The following DENND6A variants were observed in gnomAD, a reference collection of about 807,000 sequenced individuals.
DENND6A encodes protein DENND6A.
DENND6A carries 43 observed loss-of-function variants against 95.5 expected under a neutral mutation model. The observed-to-expected ratio is 0.45, with a 90% CI of 0.35 to 0.58. DENND6A has a LOEUF of 0.58. Ranked by LOEUF, DENND6A falls within the 20% of genes least tolerant of loss-of-function variation. The probability of loss-of-function intolerance (pLI) is 0.00; values close to 1 mark genes in which losing one functional copy is unlikely to be tolerated. For synonymous variants in DENND6A, 257 were observed against 260.4 expected, an observed-to-expected ratio of 0.99 and a Z score of 0.13; for missense variants, 574 against 736.0, an observed-to-expected ratio of 0.78 and a Z score of 2.55.
intron 3 of DENND6A, among the ~76,000 whole-genome samples, chr3:57,670,045 G>GA (rs1004320856): frequency 1.8e-4 from 25 of 139,126 alleles, no homozygotes; most frequent in South Asian, 4.6e-4. Context: ...AAAGAAAAAA[G>GA]AAAAAAAAAA....
Position 57,661,456 on chromosome 3 carries a change from A to AC in DENND6A, c.608_609insG (p.Tyr203Ter), listed in dbSNP as rs2071422623. 1 of 1,566,288 alleles carries AC rather than the reference A, an allele frequency of 6.4e-7. No individual in the cohort carries two copies. The highest frequency in any genetic ancestry group is 2.3e-5 in the Admixed American group (1 of 44,040). ...ATATGTTAAACTTACCTGCTTCCAA[A>AC]TAAGGTTCATTCTTTTCAAAATACT... is the stretch of plus-strand genomic sequence containing the variant. ...APEYFEKNEP[Y>*]LEAACNDVDR... is the part of the protein sequence containing the mutation. The change falls in exon 6 of 20, where the codon TAT becomes TAGT. Residue 203 changes from tyrosine to a stop codon, truncating the protein, a stop_gained and frameshift_variant. Coordinates refer to ENST00000311128, the MANE Select transcript of DENND6A (RefSeq NM_152678.3). LOFTEE classifies it high-confidence loss of function.
intron 18 of DENND6A, 114 bp downstream of exon 18, chr3:57,630,307 G>T: frequency 1.1e-6 from 1 of 906,266 alleles, no homozygotes; most frequent in Non-Finnish European, 1.6e-6. Flanking sequence ...AGAAAAGTTA[G>T]TCATCATTAC....
At chr3:57,632,330 C>CTTTT (rs970388067) in intron 15 of DENND6A, among the ~76,000 whole-genome samples, 1 of 146,498 alleles carries the variant, frequency 6.8e-6, no homozygotes, top group Non-Finnish European at 1.5e-5. Context: ...AGTCCATGCT[C>CTTTT]TTTTTTTTTT....
rs563103857 is a variant in DENND6A, at chr3:57,625,578, C to T, written c.*2636G>A. 1 of 152,560 alleles carries T rather than the reference C, an allele frequency of 6.6e-6. No individual in the cohort carries two copies. The highest frequency in any genetic ancestry group is 1.5e-5 in the Non-Finnish European group (1 of 68,002). The allele number at this position is 152,560 out of a possible 1,614,324, so 9.5% of individuals were successfully genotyped here. On this transcript the variant is annotated 3_prime_UTR_variant, in exon 20 of 20. Transcript: ENST00000311128. ...CATAATACCCTTAAAGCAGTGATTCCTCCTGATGCTGGTAGAGATAAAACA... is the reference window on the plus strand; with the variant it reads ...CATAATACCCTTAAAGCAGTGATTCTTCCTGATGCTGGTAGAGATAAAACA...
chr3:57,633,939 T>C (rs895711352), intron 14 of DENND6A, among the ~76,000 whole-genome samples: 3 of 152,012 alleles, frequency 2.0e-5, no homozygotes, highest in African/African-American at 4.8e-5. Context: ...TATTTTATAT[T>C]TGCTATACTA....
chr3:57,645,839 G>A (rs560182273), intron 10 of DENND6A, 83 bp from the exon 11 acceptor site: 38 of 949,640 alleles, frequency 4.0e-5, no homozygotes, highest in Non-Finnish European at 5.2e-5. Context: ...CTATACAAAC[G>A]GTATACACAC....
Position 57,685,789 on chromosome 3 carries a change from T to C in DENND6A, c.237+6993A>G, listed in dbSNP as rs377758420. 3.2e-4 allele frequency among the ~76,000 whole-genome samples: 48 copies of C among 152,314 alleles called. 2 individuals are homozygous for C. The South Asian group carries it at 9.5e-3, about 30-fold the overall frequency. On this transcript the variant is annotated intron_variant, in intron 1 of 19. Transcript: ENST00000311128. Reference sequence around the variant, plus strand: ...GTTTGCTCTTGGCAGAATCATTCTATGTTCATTCTATTGCAATATGTTGTT... The same window carrying C: ...GTTTGCTCTTGGCAGAATCATTCTACGTTCATTCTATTGCAATATGTTGTT...
chr3:57,690,511 ACT>A (rs1003346024), intron 1 of DENND6A, among the ~76,000 whole-genome samples: 2 of 150,870 alleles, frequency 1.3e-5, no homozygotes, highest in Admixed American at 1.3e-4. Context: ...ACAGAGCAAG[ACT>A]CTCTCTCTCA....
At chr3:57,662,913 G>A (rs2071449870) in intron 5 of DENND6A, among the ~76,000 whole-genome samples, 1 of 152,030 alleles carries the variant, frequency 6.6e-6, no homozygotes, top group African/African-American at 2.4e-5. Context: ...GAAGTCAGGA[G>A]TTCGAGACCA....
intron 19 of DENND6A, 66 bp from the exon 20 acceptor site, chr3:57,628,411 CTAAA>C: frequency 1.3e-6 from 2 of 1,534,624 alleles, no homozygotes; most frequent in Non-Finnish European, 1.8e-6. Flanking sequence ...ATTACATTCT[CTAAA>C]TAAACCATTT....
chr3:57,631,223 G>A, intron 15 of DENND6A: 1 of 431,510 alleles, frequency 2.3e-6, no homozygotes, highest in South Asian at 3.0e-5. Flanking sequence ...TTGAGACAGA[G>A]CCTTGTTCTG....
At chr3:57,675,509 C>CA (rs1225283422) in intron 1 of DENND6A, among the ~76,000 whole-genome samples, 1 of 152,188 alleles carries the variant, frequency 6.6e-6, no homozygotes, top group Non-Finnish European at 1.5e-5. Flanking sequence ...TAAGAAACCT[C>CA]AAGGACCATC....
chr3:57,645,343 C>T (rs1401477003), intron 11 of DENND6A, among the ~76,000 whole-genome samples: 1 of 152,080 alleles, frequency 6.6e-6, no homozygotes, highest in Non-Finnish European at 1.5e-5. Context: ...TGCCTGTAAT[C>T]CCAGCTACTC....
At chr3:57,689,718 G>T (rs965202178) in intron 1 of DENND6A, among the ~76,000 whole-genome samples, 1 of 152,184 alleles carries the variant, frequency 6.6e-6, no homozygotes, top group Non-Finnish European at 1.5e-5. Context: ...GTGAGTTAAA[G>T]ATTCACTCTT....
chr3:57,682,818 G>C (rs1247133996), intron 1 of DENND6A, among the ~76,000 whole-genome samples: 2 of 152,150 alleles, frequency 1.3e-5, no homozygotes, highest in Admixed American at 1.3e-4. Context: ...TGGGATTACA[G>C]GTGTGCAACA....
intron 1 of DENND6A, among the ~76,000 whole-genome samples, chr3:57,674,514 C>G (rs778570081): frequency 1.3e-5 from 2 of 151,748 alleles, no homozygotes; most frequent in African/African-American, 2.4e-5. Context: ...GCCTGTAATC[C>G]CAGCTACTCC....
At position 57,692,813 on chromosome 3, in the gene DENND6A, C is replaced by T; in HGVS notation, c.206G>A (p.Gly69Asp). ...GGCCTGGCCCAGCTCCAGGTCGAAG[C>T]CCACCACACACACGCAGTGCAGCCA... ...SAWLHCVCVV[G>D]FDLELGQAVE... The change falls in exon 1 of 20, where the codon GGC becomes GAC. Residue 69 changes from glycine to aspartate, a missense_variant. Gly to Asp is a moderately conservative substitution (Grantham distance 94, BLOSUM62 -1). Coordinates refer to ENST00000311128, the MANE Select transcript of DENND6A (RefSeq NM_152678.3). 1 of 1,565,716 alleles carries T rather than the reference C, an allele frequency of 6.4e-7. No homozygotes were observed. The highest frequency in any genetic ancestry group is 8.6e-7 in the Non-Finnish European group (1 of 1,160,254).
intron 1 of DENND6A, 96 bp downstream of exon 1, chr3:57,692,686 C>T: frequency 8.6e-7 from 1 of 1,161,904 alleles, no homozygotes; most frequent in Non-Finnish European, 1.1e-6. Flanking sequence ...GCGCCGCGGA[C>T]AGGGTCCTGG....
intron 1 of DENND6A, among the ~76,000 whole-genome samples, chr3:57,674,364 C>T (rs1201728217): frequency 1.3e-5 from 2 of 151,116 alleles, no homozygotes; most frequent in South Asian, 2.1e-4. Flanking sequence ...CAGAGCAAGA[C>T]CCCGTCTCAA....
Sources: allele counts gnomAD v4.1 joint callset (sites outside exome capture counted in the v4.1 genomes callset), GRCh38; gene constraint gnomAD v4.1.1; transcripts MANE v1.5; gene names NCBI Gene and HGNC (gene_info 2026-07-23, HGNC 2026-07-21).